Variants in IFNLR1 observed in about 807,000 individuals in gnomAD.
IFNLR1 encodes CRF2-12.
Under a neutral mutation model 52.5 loss-of-function variants are expected in IFNLR1, and 28 were observed. The ratio of observed to expected loss-of-function variants is 0.53; its 90% CI spans 0.40 to 0.73. IFNLR1 has a LOEUF of 0.73. IFNLR1 is among the 30% of genes least tolerant of loss of function. IFNLR1 has a pLI of 0.00. For missense variants in IFNLR1, 623 were observed against 659.1 expected (o/e 0.95, Z 0.60); for synonymous variants, 276 against 274.9 (o/e 1.00, Z -0.04).
At chr1:24,161,786 T>A (rs920251267) in intron 3 of IFNLR1, 102 bp from the exon 4 acceptor site, 189 of 1,178,448 alleles carry the variant, frequency 1.6e-4, no homozygotes, top group Non-Finnish European at 2.1e-4. Flanking sequence ...GCAACTAGCA[T>A]GTTTCAAACA....
chr1:24,161,594 G>A lies in IFNLR1; in HGVS notation c.458C>T (p.Pro153Leu). The change falls in exon 4 of 7, where the codon CCA (proline) becomes CTA (leucine). Residue 153 changes from proline to leucine, a missense_variant. Coordinates refer to ENST00000327535, the MANE Select transcript of IFNLR1 (RefSeq NM_170743.4). ...TGCCACCTCATACTTCAGATCCAGT[G>A]GGGGCATGCAGGGGGGCAGCTGGTA... ...ATYQLPPCMP[P>L]LDLKYEVAFW... 3.2e-6 allele frequency: 5 copies of A among 1,555,268 alleles called. No homozygotes were observed. Among genetic ancestry groups the A allele is most frequent in the Non-Finnish European group, 3.5e-6 (4 of 1,148,300 alleles).
chr1:24,183,591 C>A (rs374125328), intron 1 of IFNLR1, among the ~76,000 whole-genome samples: 1 of 152,158 alleles, frequency 6.6e-6, no homozygotes, highest in Non-Finnish European at 1.5e-5. Flanking sequence ...ACGAAACAGA[C>A]AAATATACAA....
At chr1:24,180,929 C>A (rs1644684293) in intron 1 of IFNLR1, 75 bp from the exon 2 acceptor site, 6 of 1,512,470 alleles carry the variant, frequency 4.0e-6, no homozygotes, top group African/African-American at 2.7e-5. Flanking sequence ...AGCTGAGGGG[C>A]AGCACGAAGG....
chr1:24,162,713 TTCTTTC>T (rs1253792381), intron 3 of IFNLR1, among the ~76,000 whole-genome samples: 1 of 39,934 alleles, frequency 2.5e-5, no homozygotes, highest in East Asian at 5.1e-4. Flanking sequence ...TTTCTTTTCT[TTCTTTC>T]TTTCTTTTCT....
chr1:24,177,626 C>T (rs1644646462), intron 2 of IFNLR1, among the ~76,000 whole-genome samples: 3 of 152,200 alleles, frequency 2.0e-5, no homozygotes, highest in Non-Finnish European at 4.4e-5. Context: ...CATTCCCAGT[C>T]CACTGACTCA....
In IFNLR1 at chr1:24,154,859, T is replaced by A. The variant is rs7532646; in HGVS notation, c.*2271A>T. The A allele has an allele frequency of 6.6e-6, 1 of 151,536 alleles. No homozygotes were observed. The highest frequency in any genetic ancestry group is 1.5e-5 in the Non-Finnish European group (1 of 67,766). The allele number at this position is 151,536 out of a possible 1,614,324, so 9.4% of individuals were successfully genotyped here. ...GGTGGAGGTTGCAGTGAGCCGAGAT[T>A]GTACCACTGCACTCCAGCCTAGGCA... On this transcript the variant is annotated 3_prime_UTR_variant, in exon 7 of 7. Coordinates refer to ENST00000327535, the MANE Select transcript of IFNLR1 (RefSeq NM_170743.4).
At position 24,157,851 on chromosome 1, in the gene IFNLR1, G is replaced by C; in HGVS notation, c.842C>G (p.Pro281Arg). ...GTCATTCACGGACTCTGGTCTGCTG[G>C]GCTGAAAGGTTGCCACAGGGTGTGT... ...GHTHPVATFQ[P>R]SRPESVNDLF... The change falls in exon 7 of 7, where the codon CCC becomes CGC. Residue 281 changes from proline (P) to arginine (R), a missense_variant. Coordinates refer to ENST00000327535, the MANE Select transcript of IFNLR1 (RefSeq NM_170743.4). This position sits in a 1 kb window ranked among gnomAD's most constrained non-coding sequence, Gnocchi z 5.1. 6.2e-7 allele frequency: 1 copy of C among 1,609,390 alleles called. No homozygotes were observed. The highest frequency in any genetic ancestry group is 8.5e-7 in the Non-Finnish European group (1 of 1,177,842).
At chr1:24,173,943 A>G (rs1644607122) in intron 2 of IFNLR1, among the ~76,000 whole-genome samples, 1 of 152,220 alleles carries the variant, frequency 6.6e-6, no homozygotes. Context: ...CAGCAGCTTA[A>G]TTCATAATAG....
chr1:24,184,975 C>T (rs1024032688), intron 1 of IFNLR1, among the ~76,000 whole-genome samples: 2 of 151,990 alleles, frequency 1.3e-5, no homozygotes, highest in Admixed American at 6.6e-5. Context: ...GCCGAGATTG[C>T]GCCACTGCAC....
intron 1 of IFNLR1, among the ~76,000 whole-genome samples, chr1:24,181,415 C>G (rs1644689579): frequency 6.6e-6 from 1 of 152,212 alleles, no homozygotes; most frequent in Admixed American, 6.5e-5. Context: ...TCCCTCCCGG[C>G]AAACTGGGCT....
intron 2 of IFNLR1, among the ~76,000 whole-genome samples, chr1:24,170,176 A>G (rs1644565244): frequency 6.6e-6 from 1 of 152,224 alleles, no homozygotes; most frequent in South Asian, 2.1e-4. Flanking sequence ...CCCTTACCAG[A>G]ACGGAGTCAG....
chr1:24,187,160 C>A (rs759507969), intron 1 of IFNLR1, 31 bp downstream of exon 1: 3 of 1,343,674 alleles, frequency 2.2e-6, no homozygotes, highest in South Asian at 1.6e-5. Flanking sequence ...GAGCCCTCTT[C>A]CCCCTCCCTC....
rs755884722 is a variant in IFNLR1, at chr1:24,156,940, G to A, written c.*190C>T. 3.8e-5 allele frequency: 24 copies of A among 626,854 alleles called. No homozygotes were observed. The highest frequency in any genetic ancestry group is 5.5e-5 in the Non-Finnish European group (20 of 362,314). The allele number at this position is 626,854 out of a possible 1,614,324, so 38.8% of individuals were successfully genotyped here. On this transcript the variant is annotated 3_prime_UTR_variant, in exon 7 of 7. Transcript: ENST00000327535. ...TCTTATAGCTCAGCCTAAAGAGGGCGGGTCACAGGAGGGAGGGGCATCTTG... is the reference window on the plus strand; with the variant it reads ...TCTTATAGCTCAGCCTAAAGAGGGCAGGTCACAGGAGGGAGGGGCATCTTG...
Position 24,160,580 on chromosome 1 carries a change from G to A in IFNLR1, c.511-947C>T, listed in dbSNP as rs543047163. On this transcript the variant is annotated intron_variant, in intron 4 of 6. Transcript: ENST00000327535. ...AATATTTGTGAGGTTCTTGAAGGCAGGAACCACGCTGGATTCGGATCTATA... is the reference window on the plus strand; with the variant it reads ...AATATTTGTGAGGTTCTTGAAGGCAAGAACCACGCTGGATTCGGATCTATA... Among the ~76,000 whole-genome samples the A allele has an allele frequency of 3.9e-5, 6 of 152,308 alleles. No individual in the cohort carries two copies. The East Asian group carries it at 1.2e-3, about 29-fold the overall frequency.
intron 1 of IFNLR1, among the ~76,000 whole-genome samples, chr1:24,182,517 C>G (rs1227015796): frequency 2.6e-5 from 4 of 152,110 alleles, no homozygotes; most frequent in Non-Finnish European, 5.9e-5. Flanking sequence ...GTTTTTAATT[C>G]CCCTGATGTA....
chr1:24,157,365 T>A lies in IFNLR1; in HGVS notation c.1328A>T (p.Asp443Val), dbSNP rs1644391974. 1 of 1,614,150 alleles carries A rather than the reference T, an allele frequency of 6.2e-7. No individual in the cohort carries two copies. The highest frequency in any genetic ancestry group is 1.1e-5 in the South Asian group (1 of 91,080). The part of the protein sequence containing the change: ...DSGFLEELPE[D>V]NLSSWATWGT... ...CCAGGTGGCCCAGGAGGAGAGGTTA[T>A]CTTCTGGGAGCTCTTCCAGGAAACC... The change falls in exon 7 of 7, where the codon GAT (aspartate) becomes GTT (valine). Residue 443 changes from aspartate to valine, a missense_variant. Asp to Val is a radical substitution (Grantham distance 152). Transcript: ENST00000327535. This position sits in a 1 kb window ranked among gnomAD's most constrained non-coding sequence, Gnocchi z 5.1.
At chr1:24,171,260 CATAA>C (rs10571399) in intron 2 of IFNLR1, among the ~76,000 whole-genome samples, 14,740 of 152,032 alleles carry the variant, frequency 0.097, 1,971 homozygotes, top group African/African-American at 0.3. Flanking sequence ...AAAATAAATA[CATAA>C]ATAAATAAAG....
chr1:24,169,668 C>T (rs1644558694), intron 2 of IFNLR1, 67 bp from the exon 3 acceptor site: 1 of 1,492,396 alleles, frequency 6.7e-7, no homozygotes, highest in African/African-American at 1.4e-5. Flanking sequence ...ACTTAGAGAA[C>T]AGTTGATCAT....
chr1:24,161,822 A>C (rs1252604860), intron 3 of IFNLR1, 138 bp from the exon 4 acceptor site: 14 of 807,836 alleles, frequency 1.7e-5, no homozygotes, highest in Non-Finnish European at 2.2e-5. Flanking sequence ...GCACCTTATA[A>C]TCTGTTATTT....
Sources: gnomAD v4.1 joint callset for allele counts (sites outside exome capture counted in the v4.1 genomes callset) on GRCh38, gnomAD v4.1.1 for gene constraint, Gnocchi (gnomAD v3.1) non-coding constraint, MANE v1.5 for transcripts, NCBI Gene and HGNC (gene_info 2026-07-23, HGNC 2026-07-21) for gene names.